The following AATF variants were observed in gnomAD, a reference collection of about 807,000 sequenced individuals.
AATF encodes apoptosis antagonizing transcription factor.
Under a neutral mutation model 63.7 loss-of-function variants are expected in AATF, and 48 were observed. That is an observed-to-expected ratio of 0.75 (90% CI 0.60 to 0.96). AATF has a LOEUF of 0.96. Ranked by LOEUF, AATF falls within the 40% of genes least tolerant of loss-of-function variation. The probability of loss-of-function intolerance (pLI) is 0.00; values close to 1 mark genes in which losing one functional copy is unlikely to be tolerated. For missense variants in AATF, 639 were observed against 685.7 expected (o/e 0.93, Z 0.76); for synonymous variants, 258 against 247.7 (o/e 1.04, Z -0.39).
At chr17:37,034,989 G>A (rs1597735167) in intron 11 of AATF, 1 of 151,586 alleles carries the variant, frequency 6.6e-6, no homozygotes, top group Non-Finnish European at 1.5e-5. Flanking sequence ...GCCGGGCGTG[G>A]TGGTGGGCGC....
Position 37,031,702 on chromosome 17 carries a change from T to C in AATF, c.1619+17T>C, listed in dbSNP as rs113386022. On this transcript the variant is annotated intron_variant, in intron 11 of 11. Coordinates refer to ENST00000619387, the MANE Select transcript of AATF (RefSeq NM_012138.4). ...TGATGCCAGGTGAGTAATAGATTAA[T>C]TATGTGTCTCAAATGGCTTCATGAC... 7.2e-4 allele frequency: 1,156 copies of C among 1,604,348 alleles called. 8 individuals carry two copies. In the African/African-American group the frequency reaches 0.014, roughly 20 times the overall value.
intron 8 of AATF, chr17:36,998,646 G>A (rs558379775): frequency 6.6e-6 from 1 of 152,300 alleles, no homozygotes; most frequent in African/African-American, 2.4e-5. Flanking sequence ...CCAGCTCTTT[G>A]GGAGGCCAAG....
chr17:36,954,684 T>C (rs2070885559), intron 4 of AATF, among the ~76,000 whole-genome samples: 1 of 152,250 alleles, frequency 6.6e-6, no homozygotes, highest in Non-Finnish European at 1.5e-5. Context: ...TGGTTCCCAA[T>C]GTCTTCATTT....
intron 8 of AATF, among the ~76,000 whole-genome samples, chr17:37,011,696 A>G (rs1023797724): frequency 2.6e-5 from 4 of 152,192 alleles, no homozygotes; most frequent in African/African-American, 9.6e-5. Context: ...CCTCACTGAT[A>G]CCGAGAAAAG....
At chr17:36,952,785 T>C (rs2070865450) in intron 2 of AATF, 101 bp from the exon 3 acceptor site, 3 of 1,489,544 alleles carry the variant, frequency 2.0e-6, no homozygotes, top group South Asian at 1.4e-5. Context: ...TAAGAGATTT[T>C]CCCCCTGATG....
intron 11 of AATF, among the ~76,000 whole-genome samples, chr17:37,047,075 G>A (rs747867417): frequency 3.9e-5 from 6 of 152,144 alleles, no homozygotes; most frequent in Admixed American, 6.5e-5. Context: ...TCCCAGGTCC[G>A]GAATAAAAAT....
chr17:36,968,006 A>G (rs931867420), intron 4 of AATF, among the ~76,000 whole-genome samples: 6 of 151,390 alleles, frequency 4.0e-5, no homozygotes, highest in Admixed American at 3.9e-4. Context: ...CTAGAAATTC[A>G]TATCTTTCAG....
At chr17:37,045,077 A>C (rs2071677930) in intron 11 of AATF, among the ~76,000 whole-genome samples, 1 of 152,174 alleles carries the variant, frequency 6.6e-6, no homozygotes, top group South Asian at 2.1e-4. Context: ...GTGTCAAGCT[A>C]AGAAAGGATA....
At position 36,986,824 on chromosome 17, in the gene AATF, G is replaced by GAT; in HGVS notation, c.947+96_947+97dup. ...AGAAAAGCTAAGTTCTCTTCAGGCA[G>GAT]ATATTAATGTTAGTAAAATAGAGTC... is the stretch of plus-strand genomic sequence containing the variant. On this transcript the variant is annotated intron_variant, in intron 5 of 11. Transcript: ENST00000619387. 4 of 1,028,424 alleles carry GAT rather than the reference G, an allele frequency of 3.9e-6. No individual in the cohort carries two copies. The South Asian group carries it at 5.9e-5, about 15-fold the overall frequency. 63.7% of individuals were successfully genotyped at this position (1,028,424 alleles called of 1,614,324 possible).
chr17:37,029,247 C>G (rs2071534066), intron 10 of AATF, among the ~76,000 whole-genome samples: 1 of 150,186 alleles, frequency 6.7e-6, no homozygotes, highest in African/African-American at 2.5e-5. Flanking sequence ...TTTTATTTTA[C>G]TTATTTATTT....
intron 3 of AATF, 62 bp downstream of exon 3, chr17:36,953,358 A>G: frequency 6.4e-7 from 1 of 1,562,334 alleles, no homozygotes; most frequent in South Asian, 1.2e-5. Context: ...TCTACTTTTC[A>G]TTTGTTTGTT....
intron 4 of AATF, among the ~76,000 whole-genome samples, chr17:36,962,691 G>T (rs1411863528): frequency 6.6e-6 from 1 of 152,114 alleles, no homozygotes; most frequent in African/African-American, 2.4e-5. Flanking sequence ...CCCTGACTTG[G>T]AGTAGCTAGT....
intron 8 of AATF, among the ~76,000 whole-genome samples, chr17:36,991,730 C>T (rs964698907): frequency 1.4e-4 from 22 of 151,886 alleles, no homozygotes; most frequent in Non-Finnish European, 2.6e-4. Flanking sequence ...GGACTACAGG[C>T]GCCCGCCACC....
chr17:37,002,621 A>G (rs1214143080), intron 8 of AATF, among the ~76,000 whole-genome samples: 1 of 151,866 alleles, frequency 6.6e-6, no homozygotes, highest in African/African-American at 2.4e-5. Context: ...GCAGTGAGCC[A>G]AGATAACGCC....
chr17:37,011,653 G>T (rs1413665763), intron 8 of AATF, among the ~76,000 whole-genome samples: 1 of 152,170 alleles, frequency 6.6e-6, no homozygotes, highest in Non-Finnish European at 1.5e-5. Context: ...GGCTAGAGGG[G>T]CTGGCTGAAT....
chr17:37,015,427 C>T (rs1447200320), intron 8 of AATF, among the ~76,000 whole-genome samples: 1 of 152,194 alleles, frequency 6.6e-6, no homozygotes, highest in Non-Finnish European at 1.5e-5. Flanking sequence ...GAGAGGGCTG[C>T]TGTCTGCTTC....
In AATF at chr17:37,019,103, A is replaced by G. The variant is rs201915649; in HGVS notation, c.1466+31A>G. 22 of 1,582,070 alleles carry G rather than the reference A, an allele frequency of 1.4e-5. No individual in the cohort carries two copies. In the East Asian group the frequency reaches 4.5e-4, roughly 32 times the overall value. On this transcript the variant is annotated intron_variant, in intron 9 of 11. Transcript: ENST00000619387. ...TTAGATACAGCTTTCTGTTCATGCA[A>G]GCAGCCTATGTAATAGTTTCTCCCC...
chr17:37,023,865 C>G (rs1475902552), intron 10 of AATF, among the ~76,000 whole-genome samples: 2 of 151,954 alleles, frequency 1.3e-5, no homozygotes, highest in Non-Finnish European at 2.9e-5. Context: ...CTGCAGAAAC[C>G]AAAATCCACA....
intron 4 of AATF, among the ~76,000 whole-genome samples, chr17:36,955,607 T>C (rs767346773): frequency 1.4e-4 from 22 of 152,246 alleles, no homozygotes; most frequent in Non-Finnish European, 2.5e-4. Flanking sequence ...CTAGATTAAA[T>C]GTTTTAAATG....
Sources: gnomAD v4.1 joint callset for allele counts (sites outside exome capture counted in the v4.1 genomes callset) on GRCh38, gnomAD v4.1.1 for gene constraint, MANE v1.5 for transcripts, NCBI Gene and HGNC (gene_info 2026-07-23, HGNC 2026-07-21) for gene names.